The following PSMB1 variants were observed in gnomAD, a reference collection of about 807,000 sequenced individuals.
The protein encoded by PSMB1 is proteasome subunit beta type-1.
Under a neutral mutation model 25.4 loss-of-function variants are expected in PSMB1, and 7 were observed. That is an observed-to-expected ratio of 0.28 (90% CI 0.16 to 0.52). The LOEUF is 0.52. Ranked by LOEUF, PSMB1 falls within the 20% of genes least tolerant of loss-of-function variation. The probability of loss-of-function intolerance (pLI) is 0.97; values close to 1 mark genes in which losing one functional copy is unlikely to be tolerated. For synonymous variants in PSMB1, 119 were observed against 115.0 expected (o/e 1.03, Z -0.22); for missense variants, 284 against 302.2 (o/e 0.94, Z 0.45).
rs1410658088 is a variant in PSMB1, at chr6:170,553,269, A to G, written c.-27T>C. 3 of 1,549,890 alleles carry G rather than the reference A, an allele frequency of 1.9e-6. No homozygotes were observed. Among genetic ancestry groups the G allele is most frequent in the South Asian group, 1.1e-5 (1 of 87,856 alleles). ...GCACGGCTGCGCCTGCGGATCCGAC[A>G]CTTGCTGTCTCACGGCGAGATGGCT... On this transcript the variant is annotated 5_prime_UTR_variant, in exon 1 of 6. Transcript: ENST00000262193.
At chr6:170,546,020 C>A in intron 3 of PSMB1, 83 bp downstream of exon 3, 1 of 1,210,010 alleles carries the variant, frequency 8.3e-7, no homozygotes, top group Non-Finnish European at 1.2e-6. Context: ...AGCTATCTGA[C>A]CAACAGTCAT....
intron 4 of PSMB1, among the ~76,000 whole-genome samples, chr6:170,537,598 G>A (rs1334429209): frequency 6.6e-6 from 1 of 152,194 alleles, no homozygotes; most frequent in Non-Finnish European, 1.5e-5. Flanking sequence ...TTGGTGTGTT[G>A]TTCAAGGGTA....
chr6:170,541,878 G>C (rs559330273), intron 4 of PSMB1, among the ~76,000 whole-genome samples: 3 of 152,130 alleles, frequency 2.0e-5, no homozygotes, highest in Non-Finnish European at 4.4e-5. Context: ...TCTAACTCTC[G>C]GAAAAACTCA....
chr6:170,542,467 G>A (rs1048065295), intron 4 of PSMB1, among the ~76,000 whole-genome samples: 1 of 152,158 alleles, frequency 6.6e-6, no homozygotes, highest in Non-Finnish European at 1.5e-5. Context: ...TCTGACCCAA[G>A]CCAAGGCCTG....
chr6:170,539,637 C>T (rs1447864607), intron 4 of PSMB1, among the ~76,000 whole-genome samples: 1 of 152,066 alleles, frequency 6.6e-6, no homozygotes, highest in Non-Finnish European at 1.5e-5. Context: ...TATATAAAAT[C>T]GGGTACTCAG....
chr6:170,547,521 G>A (rs548063818), intron 2 of PSMB1, among the ~76,000 whole-genome samples: 2 of 152,178 alleles, frequency 1.3e-5, no homozygotes, highest in Non-Finnish European at 2.9e-5. Flanking sequence ...TACTAGGAGA[G>A]CAGCTGACAC....
intron 1 of PSMB1, chr6:170,550,364 T>C (rs1408719361): frequency 6.6e-6 from 1 of 152,250 alleles, no homozygotes; most frequent in Non-Finnish European, 1.5e-5. Context: ...ACAGGGTTCC[T>C]ACTGTAGAAA....
chr6:170,538,614 G>A lies in PSMB1; in HGVS notation c.434-1274C>T, dbSNP rs144433488. Among the ~76,000 whole-genome samples the A allele has an allele frequency of 9.0e-3, 1,366 of 152,262 alleles. 23 individuals carry two copies. The highest frequency in any genetic ancestry group is 0.031 in the African/African-American group (1,284 of 41,542). On this transcript the variant is annotated intron_variant, in intron 4 of 5. Transcript: ENST00000262193. ...CTTGGGAGGCTGAGGCAGGAGAATC[G>A]CTTGAACCCAGGAGGCGGAGGTTGT...
chr6:170,552,219 T>C (rs1778912685), intron 1 of PSMB1, among the ~76,000 whole-genome samples: 1 of 152,196 alleles, frequency 6.6e-6, no homozygotes, highest in African/African-American at 2.4e-5. Context: ...GCCCAGCCAA[T>C]ATTTTCTGTT....
intron 1 of PSMB1, among the ~76,000 whole-genome samples, chr6:170,551,897 A>T (rs1395622141): frequency 6.6e-6 from 1 of 152,192 alleles, no homozygotes; most frequent in African/African-American, 2.4e-5. Flanking sequence ...TCTCACCAAA[A>T]ACTATGAAGC....
rs1170785209 is a variant in PSMB1 at position 170,543,742 on chromosome 6, G to C, written c.304-12C>G. On this transcript the variant is annotated splice_polypyrimidine_tract_variant and intron_variant, in intron 3 of 5. Transcript: ENST00000262193. Reference sequence around the variant, plus strand: ...GAATGCTTATACATCTGCAATTATTGATAAAAGTCACAGGCATGTAGAGGC... The same window carrying C: ...GAATGCTTATACATCTGCAATTATTCATAAAAGTCACAGGCATGTAGAGGC... 4.4e-6 allele frequency: 7 copies of C among 1,601,174 alleles called. No individual in the cohort carries two copies. In the South Asian group the frequency reaches 5.6e-5, roughly 13 times the overall value.
chr6:170,552,987 C>A, intron 1 of PSMB1, 143 bp downstream of exon 1: 1 of 655,572 alleles, frequency 1.5e-6, no homozygotes, highest in East Asian at 2.8e-5. Flanking sequence ...GCAGGGAGAC[C>A]GGCCTTGTGC....
Position 170,543,629 on chromosome 6 carries a change from G to A in PSMB1, c.405C>T (p.Tyr135=), listed in dbSNP as rs767469628. 3.1e-6 allele frequency: 5 copies of A among 1,611,366 alleles called. No homozygotes were observed. The highest frequency in any genetic ancestry group is 4.2e-6 in the Non-Finnish European group (5 of 1,178,026). The change falls in exon 4 of 6, where the codon TAC becomes TAT. Residue 135 remains tyrosine, a synonymous_variant. Coordinates refer to ENST00000262193, the MANE Select transcript of PSMB1 (RefSeq NM_002793.4). Reference sequence around the variant, plus strand: ...CTTCATCAAGTCCACCGATGATGTTGTAAACATAGTATGGAAAGAAGCGCC... The same window carrying A: ...CTTCATCAAGTCCACCGATGATGTTATAAACATAGTATGGAAAGAAGCGCC... ...YSRRFFPYYV[Y]NIIGGLDEEG...
chr6:170,551,261 G>A (rs1274382636), intron 1 of PSMB1, among the ~76,000 whole-genome samples: 2 of 152,328 alleles, frequency 1.3e-5, no homozygotes, highest in African/African-American at 4.8e-5. Context: ...TTTTACTGAA[G>A]AAGCCGAATC....
intron 4 of PSMB1, among the ~76,000 whole-genome samples, chr6:170,540,652 G>A (rs1778748325): frequency 7.0e-6 from 1 of 142,702 alleles, no homozygotes; most frequent in African/African-American, 2.6e-5. Context: ...AGAAGACAGA[G>A]GCCAAAAATG....
chr6:170,541,522 A>G (rs919282895), intron 4 of PSMB1, among the ~76,000 whole-genome samples: 6 of 151,448 alleles, frequency 4.0e-5, no homozygotes, highest in Non-Finnish European at 8.8e-5. Context: ...AAGATATCTC[A>G]AAAGAGTGCA....
chr6:170,548,910 A>T, intron 2 of PSMB1, 96 bp downstream of exon 2: 1 of 954,580 alleles, frequency 1.0e-6, no homozygotes, highest in Non-Finnish European at 1.6e-6. Flanking sequence ...ACAGCAACTT[A>T]AAAACTCATG....
At chr6:170,542,843 G>T (rs1274485972) in intron 4 of PSMB1, among the ~76,000 whole-genome samples, 2 of 152,152 alleles carry the variant, frequency 1.3e-5, no homozygotes, top group Admixed American at 6.5e-5. Flanking sequence ...AGACACTTCT[G>T]TAACTTCTTA....
chr6:170,543,776 T>G, intron 3 of PSMB1, 46 bp from the exon 4 acceptor site: 1 of 1,545,950 alleles, frequency 6.5e-7, no homozygotes, highest in Non-Finnish European at 8.8e-7. Context: ...GCAGAGGCCA[T>G]TATAGACTAG....
Sources: allele counts gnomAD v4.1 joint callset (sites outside exome capture counted in the v4.1 genomes callset), GRCh38; gene constraint gnomAD v4.1.1; transcripts MANE v1.5; gene names NCBI Gene and HGNC (gene_info 2026-07-23, HGNC 2026-07-21).